Variants in WIPF2 observed in about 807,000 individuals in gnomAD.
The protein encoded by WIPF2 is WAS/WASL-interacting protein family member 2.
In WIPF2, 23 loss-of-function variants were observed where a neutral mutation model predicts 38.8. The ratio of observed to expected loss-of-function variants is 0.59; its 90% CI spans 0.43 to 0.84. The LOEUF (loss-of-function observed/expected upper bound fraction) is 0.84. Among genes scored for constraint, WIPF2 ranks in the 40% least tolerant of loss-of-function variants. WIPF2 has a pLI of 0.00. For synonymous variants in WIPF2, 210 were observed against 223.2 expected (o/e 0.94, Z 0.53); for missense variants, 574 against 580.5 (o/e 0.99, Z 0.11).
chr17:40,243,674 C>T (rs1305586524), intron 1 of WIPF2, among the ~76,000 whole-genome samples: 6 of 152,012 alleles, frequency 3.9e-5, no homozygotes, highest in Middle Eastern at 3.4e-3. Context: ...CCACCACACC[C>T]GGCTAATTTT....
chr17:40,243,779 C>G (rs1464599092), intron 1 of WIPF2, among the ~76,000 whole-genome samples: 1 of 152,070 alleles, frequency 6.6e-6, no homozygotes, highest in African/African-American at 2.4e-5. Flanking sequence ...CCTCCACCTC[C>G]CAAAGTGCTG....
chr17:40,258,028 A>G (rs535347105), intron 2 of WIPF2, among the ~76,000 whole-genome samples: 2 of 152,288 alleles, frequency 1.3e-5, no homozygotes, highest in South Asian at 4.1e-4. Flanking sequence ...GTTTTTAGAC[A>G]TTTTGTTTTA....
chr17:40,256,310 C>A, intron 1 of WIPF2, 81 bp from the exon 2 acceptor site: 1 of 1,149,302 alleles, frequency 8.7e-7, no homozygotes, highest in Admixed American at 3.0e-5. Context: ...CTTTTGATTA[C>A]CATGCCCAGT....
At chr17:40,231,624 C>T (rs1371200686) in intron 1 of WIPF2, among the ~76,000 whole-genome samples, 4 of 151,954 alleles carry the variant, frequency 2.6e-5, no homozygotes, top group African/African-American at 7.3e-5. Context: ...AGGGTTTCAC[C>T]ATCTTGGCCA....
chr17:40,274,820 G>A (rs886938527), intron 6 of WIPF2, among the ~76,000 whole-genome samples: 10 of 150,354 alleles, frequency 6.7e-5, no homozygotes, highest in African/African-American at 2.4e-4. Context: ...GCACACGCCT[G>A]TGTTTCCAGC....
At chr17:40,274,045 C>G in intron 6 of WIPF2, 46 bp downstream of exon 6, 1 of 1,458,818 alleles carries the variant, frequency 6.9e-7, no homozygotes, top group Non-Finnish European at 9.2e-7. Context: ...GCGGTGACTT[C>G]ACCCACTCCA....
Position 40,278,370 on chromosome 17 carries a change from G to T in WIPF2, c.*145G>T. On this transcript the variant is annotated 3_prime_UTR_variant, in exon 8 of 8. Coordinates refer to ENST00000323571, the MANE Select transcript of WIPF2 (RefSeq NM_133264.5). Reference sequence around the variant, plus strand: ...GCCCTAGACTCCAAATGTCCTCCCAGCTCACCTCCATCTATGCATCTCATC... The same window carrying T: ...GCCCTAGACTCCAAATGTCCTCCCATCTCACCTCCATCTATGCATCTCATC... 1.1e-6 allele frequency: 1 copy of T among 901,258 alleles called. No homozygotes were observed. Among genetic ancestry groups the T allele is most frequent in the Non-Finnish European group, 1.7e-6 (1 of 586,026 alleles). 55.8% of individuals were successfully genotyped at this position (901,258 alleles called of 1,614,324 possible).
chr17:40,220,573 G>GTGTGTATATATATA (rs1431477384), intron 1 of WIPF2: 1 of 77,108 alleles, frequency 1.3e-5, no homozygotes, highest in Non-Finnish European at 2.5e-5. Context: ...GTGTGTGTGT[G>GTGTGTATATATATA]TATATATATA....
At chr17:40,238,280 A>T (rs1299702504) in intron 1 of WIPF2, among the ~76,000 whole-genome samples, 1 of 152,026 alleles carries the variant, frequency 6.6e-6, no homozygotes, top group Non-Finnish European at 1.5e-5. Context: ...GATAATTCTT[A>T]GCTGCTTATT....
chr17:40,249,525 C>T (rs1238519152), intron 1 of WIPF2, among the ~76,000 whole-genome samples: 1 of 151,750 alleles, frequency 6.6e-6, no homozygotes, highest in East Asian at 1.9e-4. Context: ...TCTTGGCTCA[C>T]TGCAACCTCT....
chr17:40,263,930 A>G (rs1234939227), intron 4 of WIPF2, among the ~76,000 whole-genome samples: 1 of 152,188 alleles, frequency 6.6e-6, no homozygotes, highest in African/African-American at 2.4e-5. Context: ...CACAACGTAT[A>G]CATATAACGA....
At chr17:40,228,484 A>G (rs1375954898) in intron 1 of WIPF2, among the ~76,000 whole-genome samples, 2 of 152,204 alleles carry the variant, frequency 1.3e-5, no homozygotes, top group African/African-American at 4.8e-5. Context: ...TCTGTAGGGT[A>G]AATTCTTAGA....
At chr17:40,266,515 T>A (rs2032092745) in intron 5 of WIPF2, among the ~76,000 whole-genome samples, 1 of 151,928 alleles carries the variant, frequency 6.6e-6, no homozygotes, top group Non-Finnish European at 1.5e-5. Flanking sequence ...AGGGTGAAAG[T>A]GAAAGCTTAA....
At position 40,250,914 on chromosome 17, in the gene WIPF2, CTTTTTTT is replaced by C. The variant is rs1020649049; in HGVS notation, c.-69-5460_-69-5454del. Among the ~76,000 whole-genome samples the C allele has an allele frequency of 3.5e-4, 32 of 90,344 alleles. 1 individual carries two copies. Among genetic ancestry groups the C allele is most frequent in the African/African-American group, 6.0e-4 (14 of 23,464 alleles). The allele number at this position is 90,344 out of a possible 152,430, so 59.3% of individuals were successfully genotyped here. On this transcript the variant is annotated intron_variant, in intron 1 of 7. Transcript: ENST00000323571. ...GCCAGTACACGTTAGCTATTAGATT[CTTTTTTT>C]TTTTTTTTTTTTTTTTGAGTCTCGC... is the stretch of plus-strand genomic sequence containing the variant.
intron 1 of WIPF2, among the ~76,000 whole-genome samples, chr17:40,231,087 T>A (rs976016554): frequency 3.9e-5 from 6 of 152,186 alleles, no homozygotes; most frequent in Admixed American, 3.3e-4. Context: ...AGTAGACTCT[T>A]GACTTAGCAG....
chr17:40,269,840 T>C (rs1235304959), intron 5 of WIPF2, among the ~76,000 whole-genome samples: 2 of 150,380 alleles, frequency 1.3e-5, no homozygotes, highest in Non-Finnish European at 3.0e-5. Context: ...CTCCTGACCT[T>C]GTGATCCGCC....
chr17:40,257,742 CAAAAA>C (rs397857008), intron 2 of WIPF2, among the ~76,000 whole-genome samples: 1 of 90,022 alleles, frequency 1.1e-5, no homozygotes. Flanking sequence ...GGCTCCATCT[CAAAAA>C]AAAAAAAAAA....
chr17:40,230,152 A>G (rs995812189), intron 1 of WIPF2, among the ~76,000 whole-genome samples: 1 of 152,148 alleles, frequency 6.6e-6, no homozygotes, highest in African/African-American at 2.4e-5. Context: ...AATCTGGGCA[A>G]CATAGGGAGA....
chr17:40,269,940 G>C (rs1040579114), intron 5 of WIPF2, among the ~76,000 whole-genome samples: 2 of 151,906 alleles, frequency 1.3e-5, no homozygotes, highest in East Asian at 3.9e-4. Context: ...GAGAAAAATA[G>C]AAACCATCAT....
Sources: gnomAD v4.1 joint callset for allele counts (sites outside exome capture counted in the v4.1 genomes callset) on GRCh38, gnomAD v4.1.1 for gene constraint, MANE v1.5 for transcripts, NCBI Gene and HGNC (gene_info 2026-07-23, HGNC 2026-07-21) for gene names.